Variants in NRXN3 observed in about 807,000 individuals in gnomAD.
The protein encoded by NRXN3 is neurexin 3.
In NRXN3, 32 loss-of-function variants were observed where a neutral mutation model predicts 137.6. That is an observed-to-expected ratio of 0.23 (90% CI 0.18 to 0.31). The LOEUF is 0.31. Among genes scored for constraint, NRXN3 ranks in the 10% least tolerant of loss-of-function variants. The probability of loss-of-function intolerance (pLI) is 1.00; values close to 1 mark genes in which losing one functional copy is unlikely to be tolerated. For missense variants in NRXN3, 1,574 were observed against 2,062.5 expected (o/e 0.76, Z 4.59); for synonymous variants, 798 against 784.5 (o/e 1.02, Z -0.29).
chr14:78,639,807 A>G (rs894598515), intron 4 of NRXN3, among the ~76,000 whole-genome samples: 5 of 152,220 alleles, frequency 3.3e-5, no homozygotes, highest in Middle Eastern at 3.2e-3. Flanking sequence ...AGTACCTTGT[A>G]TGACCCCTGT....
chr14:79,103,026 C>A (rs576735278), intron 15 of NRXN3, among the ~76,000 whole-genome samples: 1 of 152,220 alleles, frequency 6.6e-6, no homozygotes, highest in African/African-American at 2.4e-5. Context: ...AATAAAATGA[C>A]ATGAGTAATT....
At chr14:79,353,900 A>G (rs997715946) in intron 15 of NRXN3, among the ~76,000 whole-genome samples, 3 of 152,120 alleles carry the variant, frequency 2.0e-5, no homozygotes, top group African/African-American at 7.2e-5. Context: ...ATTTATAATT[A>G]GGGAGTAAAT....
chr14:78,217,026 A>G (rs2063360207), intron 1 of NRXN3, among the ~76,000 whole-genome samples: 1 of 152,170 alleles, frequency 6.6e-6, no homozygotes, highest in Non-Finnish European at 1.5e-5. Flanking sequence ...TAAAGACCCT[A>G]TATTCAAATA....
At chr14:78,917,239 T>A (rs968773662) in intron 10 of NRXN3, among the ~76,000 whole-genome samples, 3 of 152,204 alleles carry the variant, frequency 2.0e-5, no homozygotes, top group Admixed American at 2.0e-4. Flanking sequence ...CCAGGTATAG[T>A]ATGAAGGTCA....
intron 16 of NRXN3, among the ~76,000 whole-genome samples, chr14:79,544,107 A>G (rs1230157117): frequency 6.6e-6 from 1 of 152,328 alleles, no homozygotes; most frequent in South Asian, 2.1e-4. Context: ...AAATAAAAAT[A>G]CTTCTTAAAT....
chr14:78,445,873 T>C (rs2094404159), intron 4 of NRXN3, among the ~76,000 whole-genome samples: 1 of 152,230 alleles, frequency 6.6e-6, no homozygotes, highest in Admixed American at 6.5e-5. Context: ...CAGAGATAGA[T>C]GAACATTGGA....
rs1269008863 is a variant in NRXN3 at position 79,861,788 on chromosome 14, C to G, written c.4540C>G (p.Leu1514Val). ...AAAALCILIL[L>V]YAMYKYRNRD... ...TGCCGCCCTCTGCATCTTGATCCTC[C>G]TGTACGCCATGTACAAGTACAGGAA... Residue 1514 changes from leucine (L) to valine (V), a missense_variant, in exon 21 of 21, where the codon CTG becomes GTG. By Grantham distance (32) the Leu-to-Val change is conservative. This residue lies in a region of NRXN3 where 320 missense variants were observed against 387.1 expected (regional missense o/e 0.83). Transcript: ENST00000335750. This position sits in a 1 kb window ranked among gnomAD's most constrained non-coding sequence, Gnocchi z 5.4. The G allele has an allele frequency of 6.2e-7, 1 of 1,614,126 alleles. No homozygotes were observed. Among genetic ancestry groups the G allele is most frequent in the Admixed American group, 1.7e-5 (1 of 60,012 alleles).
chr14:79,320,608 G>A (rs562925907), intron 15 of NRXN3, among the ~76,000 whole-genome samples: 4 of 152,262 alleles, frequency 2.6e-5, no homozygotes, highest in African/African-American at 9.6e-5. Flanking sequence ...AGCATTTAAA[G>A]TGCACTGTAT....
At chr14:78,490,010 G>C (rs1406887814) in intron 4 of NRXN3, among the ~76,000 whole-genome samples, 1 of 151,880 alleles carries the variant, frequency 6.6e-6, no homozygotes, top group Non-Finnish European at 1.5e-5. Flanking sequence ...TGCCTCCTGG[G>C]TTCAAGCGAT....
At chr14:78,173,919 C>T (rs1189978054) in intron 1 of NRXN3, among the ~76,000 whole-genome samples, 1 of 151,906 alleles carries the variant, frequency 6.6e-6, no homozygotes, top group Non-Finnish European at 1.5e-5. Context: ...CACTCTACCT[C>T]CACCATGGCT....
At chr14:79,167,630 G>A (rs987494821) in intron 15 of NRXN3, among the ~76,000 whole-genome samples, 3 of 141,870 alleles carry the variant, frequency 2.1e-5, no homozygotes, top group African/African-American at 7.7e-5. Flanking sequence ...AGGTTTTGTT[G>A]TTATTTTTTT....
intron 4 of NRXN3, among the ~76,000 whole-genome samples, chr14:78,516,867 C>T (rs1042764814): frequency 6.6e-6 from 1 of 152,058 alleles, no homozygotes; most frequent in Non-Finnish European, 1.5e-5. Flanking sequence ...ACATTATATA[C>T]AATAAACTGA....
chr14:79,797,671 T>C (rs1029856471), intron 19 of NRXN3, among the ~76,000 whole-genome samples: 1 of 152,312 alleles, frequency 6.6e-6, no homozygotes, highest in Admixed American at 6.5e-5. Flanking sequence ...CATACAATCT[T>C]ACCACACTGT....
At chr14:79,845,413 C>T (rs373158563) in intron 20 of NRXN3, among the ~76,000 whole-genome samples, 32 of 152,100 alleles carry the variant, frequency 2.1e-4, no homozygotes, top group African/African-American at 7.5e-4. Flanking sequence ...TCATTTCTAG[C>T]TTTAAAGTGA....
At position 79,079,273 on chromosome 14, in the gene NRXN3, T is replaced by G. The variant is rs570476991; in HGVS notation, c.3262+91132T>G. 1.6e-3 allele frequency among the ~76,000 whole-genome samples: 7 copies of G among 4,352 alleles called. No individual in the cohort carries two copies. The South Asian group carries it at 0.034, about 21-fold the overall frequency. 2.9% of individuals were successfully genotyped at this position (4,352 alleles called of 152,430 possible). A position where few individuals can be genotyped will look rare whatever the true frequency, so the allele number is the denominator to read the frequency against. Reference sequence around the variant, plus strand: ...AATCTTGGAATTTGTGCAAATAAATTCCTTTGTGAAACTGCAGACTGATTA... The same window carrying G: ...AATCTTGGAATTTGTGCAAATAAATGCCTTTGTGAAACTGCAGACTGATTA... On this transcript the variant is annotated intron_variant, in intron 15 of 20. Transcript: ENST00000335750.
At chr14:78,789,220 A>C (rs909382727) in intron 8 of NRXN3, among the ~76,000 whole-genome samples, 16 of 152,214 alleles carry the variant, frequency 1.1e-4, no homozygotes, top group African/African-American at 3.9e-4. Context: ...CTATCTAAAA[A>C]TGCTTTCTAT....
rs1275803687 is a variant in NRXN3, at chr14:79,740,710, TTTTATATATATATATATATATA to T, written c.4014+42775_4014+42796del. Among the ~76,000 whole-genome samples the T allele has an allele frequency of 4.6e-3, 337 of 73,698 alleles. 18 individuals carry two copies. The highest frequency in any genetic ancestry group is 0.011 in the African/African-American group (211 of 18,576). 48.3% of individuals were successfully genotyped at this position (73,698 alleles called of 152,430 possible). A position where few individuals can be genotyped will look rare whatever the true frequency, so the allele number is the denominator to read the frequency against. ...TTTCCACTGGACTTTGCATTTAGTT[TTTTATATATATATATATATATA>T]TATATATATATATATATATATATAT... On this transcript the variant is annotated intron_variant, in intron 19 of 20. Coordinates refer to ENST00000335750, the MANE Select transcript of NRXN3 (RefSeq NM_001330195.2).
At chr14:79,807,901 T>G (rs1380984820) in intron 20 of NRXN3, among the ~76,000 whole-genome samples, 1 of 152,150 alleles carries the variant, frequency 6.6e-6, no homozygotes, top group Non-Finnish European at 1.5e-5. Context: ...ATACAAGAAG[T>G]AGGTAGATAT....
intron 14 of NRXN3, among the ~76,000 whole-genome samples, chr14:78,981,535 A>C (rs2099489480): frequency 1.3e-5 from 2 of 152,350 alleles, no homozygotes. Context: ...CATTTTAAAA[A>C]TTACTTAAAT....
Sources: allele counts gnomAD v4.1 joint callset (sites outside exome capture counted in the v4.1 genomes callset), GRCh38; gene constraint gnomAD v4.1.1; regional missense constraint gnomAD v4.1.1; non-coding constraint Gnocchi (gnomAD v3.1); transcripts MANE v1.5; gene names NCBI Gene and HGNC (gene_info 2026-07-23, HGNC 2026-07-21).